The following XRCC4 variants were observed in gnomAD, a reference collection of about 807,000 sequenced individuals.
The protein encoded by XRCC4 is DNA repair protein XRCC4.
A neutral mutation model predicts 39.1 loss-of-function variants in XRCC4; 28 were observed. The ratio of observed to expected loss-of-function variants is 0.72; its 90% CI spans 0.53 to 0.98. The LOEUF (loss-of-function observed/expected upper bound fraction) is 0.98, where lower values mean the gene tolerates loss of function less well. XRCC4 is among the 50% of genes least tolerant of loss of function. XRCC4 has a pLI of 0.00. For missense variants in XRCC4, 350 were observed against 376.4 expected, an observed-to-expected ratio of 0.93 and a Z score of 0.58; for synonymous variants, 123 against 126.4, an observed-to-expected ratio of 0.97 and a Z score of 0.18.
At chr5:83,102,436 A>G (rs1487516251) in intron 1 of XRCC4, among the ~76,000 whole-genome samples, 2 of 152,158 alleles carry the variant, frequency 1.3e-5, no homozygotes, top group Non-Finnish European at 2.9e-5. Flanking sequence ...TTTTAAATAA[A>G]TCCAAGGACA....
chr5:83,240,749 A>C (rs1752876418), intron 6 of XRCC4, among the ~76,000 whole-genome samples: 1 of 152,116 alleles, frequency 6.6e-6, no homozygotes, highest in Non-Finnish European at 1.5e-5. Flanking sequence ...ACCAGGAAAA[A>C]CCAGTACCAC....
chr5:83,278,672 C>T (rs751293332), intron 7 of XRCC4, among the ~76,000 whole-genome samples: 37 of 151,946 alleles, frequency 2.4e-4, no homozygotes, highest in Non-Finnish European at 3.7e-4. Context: ...TACTTCAGTC[C>T]TTATGTTGTT....
At chr5:83,089,247 C>T (rs6896548) in intron 1 of XRCC4, among the ~76,000 whole-genome samples, 73,901 of 151,846 alleles carry the variant, frequency 0.49, 18,745 homozygotes, top group African/African-American at 0.62. Flanking sequence ...TACTAGAATT[C>T]TGAAACTATC....
At chr5:83,150,114 T>G (rs772108009) in intron 3 of XRCC4, among the ~76,000 whole-genome samples, 10 of 152,168 alleles carry the variant, frequency 6.6e-5, no homozygotes, top group Non-Finnish European at 7.4e-5. Flanking sequence ...TATAATACTT[T>G]CCTAACTTTT....
At chr5:83,282,155 G>T (rs1040547391) in intron 7 of XRCC4, among the ~76,000 whole-genome samples, 7 of 152,160 alleles carry the variant, frequency 4.6e-5, no homozygotes, top group Admixed American at 1.3e-4. Context: ...ATAGAAAATG[G>T]ATGACTCCTA....
At chr5:83,366,848 C>T in the XRCC4 span, among the ~76,000 whole-genome samples, 6 of 152,150 alleles carry the variant, frequency 3.9e-5, no homozygotes, top group Non-Finnish European at 8.8e-5. Context: ...GGGAGGCCTT[C>T]CCAGACCACC....
chr5:83,351,860 G>A (rs1255717903), intron 7 of XRCC4, among the ~76,000 whole-genome samples: 2 of 152,176 alleles, frequency 1.3e-5, no homozygotes, highest in Non-Finnish European at 2.9e-5. Flanking sequence ...AAGGGTGCAG[G>A]CTTTTAAAAA....
chr5:83,256,361 A>G (rs28360223), intron 6 of XRCC4, among the ~76,000 whole-genome samples: 1 of 152,320 alleles, frequency 6.6e-6, no homozygotes, highest in African/African-American at 2.4e-5. Flanking sequence ...AATTTGTAAG[A>G]CATCATTTGG....
rs182341406 is a variant in XRCC4, at chr5:83,250,088, T to A, written c.746-8442T>A. Among the ~76,000 whole-genome samples the A allele has an allele frequency of 2.6e-4, 40 of 152,254 alleles. 1 individual carries two copies. The highest frequency in any genetic ancestry group is 8.8e-5 in the Non-Finnish European group (6 of 67,974). ...AGCAAATGTCTTAGGTTGACAGAAG[T>A]GAACCTATGAAAACAATGAAGCTTT... is the stretch of plus-strand genomic sequence containing the variant. On this transcript the variant is annotated intron_variant, in intron 6 of 7. Coordinates refer to ENST00000396027, the MANE Select transcript of XRCC4 (RefSeq NM_003401.5).
chr5:83,184,440 C>G (rs1412844779), intron 3 of XRCC4, among the ~76,000 whole-genome samples: 1 of 151,292 alleles, frequency 6.6e-6, no homozygotes, highest in African/African-American at 2.4e-5. Context: ...GGAGATTGGC[C>G]TTAATAGCTG....
At chr5:83,200,118 C>G (rs1342921579) in intron 4 of XRCC4, among the ~76,000 whole-genome samples, 1 of 152,160 alleles carries the variant, frequency 6.6e-6, no homozygotes, top group Non-Finnish European at 1.5e-5. Flanking sequence ...TGCATAGTAA[C>G]ATCATAATGC....
intron 7 of XRCC4, among the ~76,000 whole-genome samples, chr5:83,332,445 G>A (rs945560967): frequency 3.3e-5 from 5 of 152,134 alleles, no homozygotes; most frequent in Non-Finnish European, 7.4e-5. Context: ...GGCAGTCCAT[G>A]TCAATTTAAT....
intron 4 of XRCC4, among the ~76,000 whole-genome samples, chr5:83,200,215 C>T (rs1751127516): frequency 6.6e-6 from 1 of 152,198 alleles, no homozygotes; most frequent in African/African-American, 2.4e-5. Flanking sequence ...GGATAGCATT[C>T]TCTGAGTCTT....
In XRCC4 at chr5:83,105,065, C is replaced by T. The variant is rs373131654; in HGVS notation, c.139+7C>T. ...TCAGCATGGACTGGGACAGGTAATA[C>T]TAAAAACAAAGTTTTTATAAGTAAA... is the stretch of plus-strand genomic sequence containing the variant. On this transcript the variant is annotated splice_region_variant and intron_variant, in intron 2 of 7. Coordinates refer to ENST00000396027, the MANE Select transcript of XRCC4 (RefSeq NM_003401.5). 106 of 1,595,242 alleles carry T rather than the reference C, an allele frequency of 6.6e-5. No homozygotes were observed. In the Middle Eastern group the frequency reaches 1.2e-3, roughly 18 times the overall value.
chr5:83,347,506 C>G (rs1207738837), intron 7 of XRCC4, among the ~76,000 whole-genome samples: 1 of 152,106 alleles, frequency 6.6e-6, no homozygotes, highest in East Asian at 1.9e-4. Context: ...GTGCTACACA[C>G]TTTTAAACAA....
At chr5:83,358,999 G>T in the XRCC4 span, among the ~76,000 whole-genome samples, 1 of 151,696 alleles carries the variant, frequency 6.6e-6, no homozygotes, top group Non-Finnish European at 1.5e-5. Context: ...AGTTTTCTCG[G>T]AACTGTATAT....
chr5:83,132,450 T>C (rs200009438), intron 3 of XRCC4, among the ~76,000 whole-genome samples: 14 of 152,118 alleles, frequency 9.2e-5, no homozygotes, highest in African/African-American at 2.9e-4. Flanking sequence ...TGGGGAAGTT[T>C]TCCTGGATAA....
chr5:83,172,875 T>C (rs1749791925), intron 3 of XRCC4, among the ~76,000 whole-genome samples: 2 of 152,172 alleles, frequency 1.3e-5, no homozygotes, highest in Admixed American at 6.6e-5. Context: ...GTTTTTGTGT[T>C]GTGTCTCACA....
intron 3 of XRCC4, among the ~76,000 whole-genome samples, chr5:83,191,187 C>T (rs1750675234): frequency 6.6e-6 from 1 of 152,140 alleles, no homozygotes; most frequent in South Asian, 2.1e-4. Context: ...CAGGATATAA[C>T]TGAATAATAC....
Sources: allele counts gnomAD v4.1 joint callset (sites outside exome capture counted in the v4.1 genomes callset), GRCh38; gene constraint gnomAD v4.1.1; transcripts MANE v1.5; gene names NCBI Gene and HGNC (gene_info 2026-07-23, HGNC 2026-07-21).